Variants in OR51B5 observed in about 807,000 individuals in gnomAD.
The protein encoded by OR51B5 is olfactory receptor family 51 subfamily B member 5.
For synonymous variants in OR51B5, 186 were observed against 144.8 expected (o/e 1.28, Z -2.04); for missense variants, 456 against 374.6 (o/e 1.22, Z -1.79).
chr11:5,354,091 AT>A (rs1849147630), intron 1 of OR51B5, among the ~76,000 whole-genome samples: 1 of 152,218 alleles, frequency 6.6e-6, no homozygotes, highest in Non-Finnish European at 1.5e-5. Context: ...TTAACAAAAT[AT>A]AATTTTTCAT....
At chr11:5,366,744 A>G (rs1849375939) in intron 1 of OR51B5, among the ~76,000 whole-genome samples, 2 of 151,790 alleles carry the variant, frequency 1.3e-5, no homozygotes, top group Admixed American at 6.6e-5. Context: ...GAAGGAAGGA[A>G]ATCAGGGTAT....
At chr11:5,374,101 C>G (rs1014648044) in intron 1 of OR51B5, among the ~76,000 whole-genome samples, 2 of 152,148 alleles carry the variant, frequency 1.3e-5, no homozygotes, top group Non-Finnish European at 2.9e-5. Flanking sequence ...CAGACTGACA[C>G]CTCACACGGC....
chr11:5,490,337 C>CT (rs1351895864), intron 1 of OR51B5, among the ~76,000 whole-genome samples: 1 of 152,126 alleles, frequency 6.6e-6, no homozygotes, highest in Non-Finnish European at 1.5e-5. Context: ...TTATATAAAA[C>CT]TTTTTTTACA....
At chr11:5,352,921 T>TGAACCA (rs1459374009) in intron 1 of OR51B5, among the ~76,000 whole-genome samples, 5 of 144,808 alleles carry the variant, frequency 3.5e-5, no homozygotes, top group African/African-American at 1.4e-4. Context: ...GAACCAATTA[T>TGAACCA]ATATATAATT....
chr11:5,502,845 AAT>A (rs1846315957), intron 1 of OR51B5, among the ~76,000 whole-genome samples: 1 of 152,200 alleles, frequency 6.6e-6, no homozygotes. Flanking sequence ...AGTTAACTGA[AAT>A]ATGTCATTGC....
rs1589971515 is a variant in OR51B5 at position 5,392,426 on chromosome 11, G to C, written n.85-45516C>G. ...ATGGGGTACAAAAAATTTAGGATTT[G>C]GATTTAGATTAGCACTGAAGTCCCA... On this transcript the variant is annotated intron_variant and non_coding_transcript_variant, in intron 1 of 4. Transcript: ENST00000415970. The C allele has an allele frequency of 7.2e-5, 11 of 152,256 alleles. 2 individuals carry two copies. In the South Asian group the frequency reaches 2.3e-3, roughly 32 times the overall value. 9.4% of individuals were successfully genotyped at this position (152,256 alleles called of 1,614,324 possible).
chr11:5,452,233 G>A (rs1002851102), intron 1 of OR51B5, among the ~76,000 whole-genome samples: 9 of 152,162 alleles, frequency 5.9e-5, no homozygotes, highest in South Asian at 2.1e-4. Context: ...GGCCGGGCAC[G>A]GTGGCTCACG....
chr11:5,351,476 G>T, intron 1 of OR51B5: 1 of 1,542,790 alleles, frequency 6.5e-7, no homozygotes, highest in South Asian at 1.2e-5. Flanking sequence ...GCTTTACCTG[G>T]AGTAAATATT....
At chr11:5,455,461 A>G (rs1282071288) in intron 1 of OR51B5, 1 of 151,280 alleles carries the variant, frequency 6.6e-6, no homozygotes, top group South Asian at 2.1e-4. Context: ...CAGAGGTAGG[A>G]TATAGTAAGA....
At chr11:5,380,736 T>C (rs927979773) in intron 1 of OR51B5, among the ~76,000 whole-genome samples, 1 of 152,196 alleles carries the variant, frequency 6.6e-6, no homozygotes, top group African/African-American at 2.4e-5. Flanking sequence ...AAGATGTAGA[T>C]ATGTCTATTT....
rs149426890 is a variant in OR51B5 at position 5,403,080 on chromosome 11, G to A, written n.85-56170C>T. 1.2e-3 allele frequency: 575 copies of A among 471,632 alleles called. 2 individuals are homozygous for A. Among genetic ancestry groups the A allele is most frequent in the Non-Finnish European group, 1.3e-3 (296 of 227,154 alleles). The allele number at this position is 471,632 out of a possible 1,614,324, so 29.2% of individuals were successfully genotyped here. On this transcript the variant is annotated intron_variant and non_coding_transcript_variant, in intron 1 of 4. Transcript: ENST00000415970. ...TGAAAAGCATTATGCTCATGGCTCC[G>A]TTGCCCATTCTCTTATGGCGTCTGC...
At chr11:5,485,333 A>C (rs1851483620) in intron 1 of OR51B5, among the ~76,000 whole-genome samples, 1 of 152,208 alleles carries the variant, frequency 6.6e-6, no homozygotes, top group South Asian at 2.1e-4. Flanking sequence ...CAACGTTCAG[A>C]AGTTATAATA....
At chr11:5,418,475 A>T (rs1850275945) in intron 1 of OR51B5, among the ~76,000 whole-genome samples, 3 of 152,096 alleles carry the variant, frequency 2.0e-5, no homozygotes, top group Admixed American at 2.0e-4. Context: ...GCACCGAACC[A>T]ATCCAAATGT....
At chr11:5,422,737 C>T in intron 1 of OR51B5, 1 of 1,614,056 alleles carries the variant, frequency 6.2e-7, no homozygotes, top group Non-Finnish European at 8.5e-7. Context: ...TCTCTCGCTC[C>T]TATTGCCTCC....
At chr11:5,466,183 A>G (rs1460949353) in intron 1 of OR51B5, among the ~76,000 whole-genome samples, 3 of 152,254 alleles carry the variant, frequency 2.0e-5, no homozygotes, top group African/African-American at 7.2e-5. Context: ...AATACACTGT[A>G]AAATATTTAT....
chr11:5,361,563 G>T (rs144280863), intron 1 of OR51B5, among the ~76,000 whole-genome samples: 1 of 152,126 alleles, frequency 6.6e-6, no homozygotes, highest in African/African-American at 2.4e-5. Flanking sequence ...AGCAGTAGAC[G>T]GTTGGCTTAT....
At chr11:5,454,526 C>A (rs576370386) in intron 1 of OR51B5, 9 of 1,050,360 alleles carry the variant, frequency 8.6e-6, no homozygotes, top group Non-Finnish European at 1.2e-5. Flanking sequence ...TTGTGTGCTG[C>A]GGGAAAAGTA....
intron 1 of OR51B5, among the ~76,000 whole-genome samples, chr11:5,460,123 A>C (rs1412008530): frequency 6.6e-6 from 1 of 152,218 alleles, no homozygotes; most frequent in Admixed American, 6.5e-5. Flanking sequence ...AAAGGCCATT[A>C]TTCTTAGCAA....
intron 1 of OR51B5, among the ~76,000 whole-genome samples, chr11:5,378,747 C>G (rs373305647): frequency 6.6e-6 from 1 of 152,018 alleles, no homozygotes; most frequent in Non-Finnish European, 1.5e-5. Context: ...AAATGCAAAT[C>G]AAAACCACAA....
Sources: allele counts gnomAD v4.1 joint callset (sites outside exome capture counted in the v4.1 genomes callset), GRCh38; gene constraint gnomAD v4.1.1; transcripts MANE v1.5; gene names NCBI Gene and HGNC (gene_info 2026-07-23, HGNC 2026-07-21).